Variants in LRMDA observed in about 807,000 individuals in gnomAD.
LRMDA encodes the protein leucine rich melanocyte differentiation associated.
Under a neutral mutation model 29.8 loss-of-function variants are expected in LRMDA, and 18 were observed. That is an observed-to-expected ratio of 0.60 (90% CI 0.42 to 0.90). The LOEUF (loss-of-function observed/expected upper bound fraction) is 0.90, where lower values mean the gene tolerates loss of function less well. LRMDA is among the 40% of genes least tolerant of loss of function. LRMDA has a pLI of 0.00. For missense variants in LRMDA, 273 were observed against 273.9 expected (o/e 1.00, Z 0.02); for synonymous variants, 125 against 109.4 (o/e 1.14, Z -0.89).
chr10:75,661,367 C>A (rs1468809251), intron 2 of LRMDA, among the ~76,000 whole-genome samples: 1 of 152,202 alleles, frequency 6.6e-6, no homozygotes, highest in Non-Finnish European at 1.5e-5. Flanking sequence ...CAGTTCTTCT[C>A]ACGATTTGCC....
intron 2 of LRMDA, among the ~76,000 whole-genome samples, chr10:75,597,040 TC>T (rs1367756691): frequency 2.0e-5 from 3 of 151,904 alleles, no homozygotes; most frequent in African/African-American, 7.3e-5. Context: ...CCTCTCCCTT[TC>T]CCCTTGCTTT....
chr10:76,235,786 T>C (rs180754683), intron 5 of LRMDA, among the ~76,000 whole-genome samples: 2 of 152,324 alleles, frequency 1.3e-5, no homozygotes, highest in East Asian at 1.9e-4. Flanking sequence ...TGTCTTCTTA[T>C]ACAGATTAAA....
At chr10:76,508,018 T>C (rs1842975917) in intron 6 of LRMDA, among the ~76,000 whole-genome samples, 1 of 152,176 alleles carries the variant, frequency 6.6e-6, no homozygotes, top group South Asian at 2.1e-4. Context: ...AATTATTTTA[T>C]GCAATATCCC....
intron 2 of LRMDA, among the ~76,000 whole-genome samples, chr10:75,727,082 G>T (rs1057089429): frequency 1.3e-5 from 2 of 152,112 alleles, no homozygotes; most frequent in Admixed American, 1.3e-4. Flanking sequence ...GGCCTGTTTC[G>T]CTAGCTTTAG....
At chr10:75,569,519 G>A (rs1840412089) in intron 2 of LRMDA, among the ~76,000 whole-genome samples, 1 of 152,164 alleles carries the variant, frequency 6.6e-6, no homozygotes, top group Non-Finnish European at 1.5e-5. Flanking sequence ...TGTCAGTTTA[G>A]CAATCAACAG....
rs533330065 is a variant in LRMDA at position 76,476,619 on chromosome 10, A to G, written c.602-80590A>G. Among the ~76,000 whole-genome samples, 8 of 152,302 alleles carry G rather than the reference A, an allele frequency of 5.3e-5. No individual in the cohort carries two copies. In the East Asian group the frequency reaches 1.4e-3, roughly 26 times the overall value. ...TAAAAAAAGAGAATTTTAGACCAAT[A>G]TCCCTGATAAGCATCGATGCAAAAA... On this transcript the variant is annotated intron_variant, in intron 6 of 6. Coordinates refer to ENST00000611255, the MANE Select transcript of LRMDA (RefSeq NM_001305581.2).
At chr10:76,150,159 A>C (rs1850411605) in intron 5 of LRMDA, among the ~76,000 whole-genome samples, 1 of 152,192 alleles carries the variant, frequency 6.6e-6, no homozygotes, top group Non-Finnish European at 1.5e-5. Flanking sequence ...TGGCTGCCAA[A>C]AGCCCCTCCG....
At chr10:75,514,305 T>C (rs1318494583) in intron 2 of LRMDA, among the ~76,000 whole-genome samples, 2 of 151,298 alleles carry the variant, frequency 1.3e-5, no homozygotes, top group African/African-American at 2.4e-5. Flanking sequence ...CCTTTTTCCT[T>C]CTTCTTCTTC....
At chr10:76,344,505 A>C (rs1424892594) in intron 6 of LRMDA, among the ~76,000 whole-genome samples, 2 of 152,184 alleles carry the variant, frequency 1.3e-5, no homozygotes, top group Non-Finnish European at 2.9e-5. Context: ...TCATGTAACA[A>C]AGCTTTTTTT....
At chr10:76,372,933 G>T (rs544090431) in intron 6 of LRMDA, among the ~76,000 whole-genome samples, 2 of 152,104 alleles carry the variant, frequency 1.3e-5, no homozygotes, top group Non-Finnish European at 2.9e-5. Flanking sequence ...CTTCAGAAAA[G>T]GGTTCCATTT....
chr10:76,449,513 A>AT (rs1842385713), intron 6 of LRMDA, among the ~76,000 whole-genome samples: 1 of 151,866 alleles, frequency 6.6e-6, no homozygotes, highest in Non-Finnish European at 1.5e-5. Flanking sequence ...TTATTTAAAT[A>AT]TTTTTGGTGA....
At chr10:76,153,962 A>C (rs1449606760) in intron 5 of LRMDA, among the ~76,000 whole-genome samples, 1 of 152,206 alleles carries the variant, frequency 6.6e-6, no homozygotes, top group Non-Finnish European at 1.5e-5. Flanking sequence ...TAGAAGTCTT[A>C]GGTTGCTCTG....
At chr10:76,345,140 C>T (rs1185053023) in intron 6 of LRMDA, among the ~76,000 whole-genome samples, 2 of 140,252 alleles carry the variant, frequency 1.4e-5, no homozygotes, top group African/African-American at 2.7e-5. Flanking sequence ...GATCTCGGCT[C>T]GCTGCAAGCT....
intron 5 of LRMDA, among the ~76,000 whole-genome samples, chr10:76,108,989 A>G (rs551892479): frequency 6.6e-6 from 1 of 152,210 alleles, no homozygotes; most frequent in Non-Finnish European, 1.5e-5. Flanking sequence ...TTCTGAAAGG[A>G]TAGAAAAGAT....
At chr10:76,074,298 A>AC (rs1410161521) in intron 5 of LRMDA, among the ~76,000 whole-genome samples, 1 of 152,146 alleles carries the variant, frequency 6.6e-6, no homozygotes, top group Non-Finnish European at 1.5e-5. Flanking sequence ...TAAACCTATA[A>AC]TCTTTTTCTT....
Position 76,128,341 on chromosome 10 carries a change from C to A in LRMDA, c.516+69558C>A, listed in dbSNP as rs543113541. 3.9e-5 allele frequency among the ~76,000 whole-genome samples: 6 copies of A among 152,236 alleles called. No homozygotes were observed. The East Asian group carries it at 5.8e-4, about 15-fold the overall frequency. ...CATGGGGGCAGCACAGATGGGAAAC[C>A]CTGAGTTGGTGTGGATGGGAACAAT... On this transcript the variant is annotated intron_variant, in intron 5 of 6. Coordinates refer to ENST00000611255, the MANE Select transcript of LRMDA (RefSeq NM_001305581.2).
chr10:76,533,845 A>G (rs888746085), intron 6 of LRMDA, among the ~76,000 whole-genome samples: 1 of 152,188 alleles, frequency 6.6e-6, no homozygotes, highest in African/African-American at 2.4e-5. Flanking sequence ...AACAAAATAT[A>G]TTATAATTTT....
chr10:75,527,771 A>G (rs1206628027), intron 2 of LRMDA, among the ~76,000 whole-genome samples: 3 of 147,860 alleles, frequency 2.0e-5, no homozygotes, highest in Non-Finnish European at 4.5e-5. Flanking sequence ...ATAATTATAA[A>G]TAATATGTAA....
At chr10:76,279,372 C>T (rs900028819) in intron 5 of LRMDA, among the ~76,000 whole-genome samples, 1 of 152,112 alleles carries the variant, frequency 6.6e-6, no homozygotes, top group African/African-American at 2.4e-5. Flanking sequence ...CTGTTATCAT[C>T]ATCATCATCA....
Sources: allele counts gnomAD v4.1 joint callset (sites outside exome capture counted in the v4.1 genomes callset), GRCh38; gene constraint gnomAD v4.1.1; transcripts MANE v1.5; gene names NCBI Gene and HGNC (gene_info 2026-07-23, HGNC 2026-07-21).